The following BCAS3 variants were observed in gnomAD, a reference collection of about 807,000 sequenced individuals.
BCAS3 encodes BCAS4/BCAS3 fusion.
BCAS3 carries 53 observed loss-of-function variants against 116.1 expected under a neutral mutation model. That is an observed-to-expected ratio of 0.46 (90% CI 0.37 to 0.57). BCAS3 has a LOEUF of 0.57. Among genes scored for constraint, BCAS3 ranks in the 20% least tolerant of loss-of-function variants. The pLI is 0.00. For missense variants in BCAS3, 917 were observed against 1,165.4 expected, an observed-to-expected ratio of 0.79 and a Z score of 3.10; for synonymous variants, 391 against 408.2, an observed-to-expected ratio of 0.96 and a Z score of 0.51.
At chr17:60,809,594 T>C (rs1457742614) in intron 7 of BCAS3, among the ~76,000 whole-genome samples, 1 of 152,182 alleles carries the variant, frequency 6.6e-6, no homozygotes, top group Non-Finnish European at 1.5e-5. Flanking sequence ...TTTTCGCTCA[T>C]CTCTGAGTGG....
chr17:61,322,210 AG>A (rs1185120798), intron 22 of BCAS3, among the ~76,000 whole-genome samples: 2 of 152,184 alleles, frequency 1.3e-5, no homozygotes, highest in African/African-American at 4.8e-5. Flanking sequence ...CTGAGATTAC[AG>A]GTGTGAGCCA....
At position 61,211,671 on chromosome 17, in the gene BCAS3, A is replaced by T. The variant is rs72832582; in HGVS notation, c.2425+127107A>T. Among the ~76,000 whole-genome samples the T allele has an allele frequency of 0.046, 640 of 14,042 alleles. 1 individual carries two copies. Among genetic ancestry groups the T allele is most frequent in the East Asian group, 0.077 (37 of 482 alleles). 9.2% of individuals were successfully genotyped at this position (14,042 alleles called of 152,430 possible). ...GTTTGCATCCAGGTCATTTCTCCAT[A>T]AAAAAAAAAAAAAAATGCCACTGAC... is the stretch of plus-strand genomic sequence containing the variant. On this transcript the variant is annotated intron_variant, in intron 22 of 23. Coordinates refer to ENST00000407086, the MANE Select transcript of BCAS3 (RefSeq NM_017679.5). The surrounding 1 kb of genome is among the most constrained non-coding windows in gnomAD (Gnocchi z 4.4).
rs1165778560 is a variant in BCAS3, at chr17:61,258,528, A to G, written c.2426-109799A>G. On this transcript the variant is annotated intron_variant, in intron 22 of 23. Coordinates refer to ENST00000407086, the MANE Select transcript of BCAS3 (RefSeq NM_017679.5). This position sits in a 1 kb window ranked among gnomAD's most constrained non-coding sequence, Gnocchi z 4.7. ...AAATGTGAATAATCATACCTACTTC[A>G]TGGTATCGTTGTGTGGATTAAATGA... Among the ~76,000 whole-genome samples the G allele has an allele frequency of 6.6e-6, 1 of 152,224 alleles. No homozygotes were observed. The highest frequency in any genetic ancestry group is 1.9e-4 in the East Asian group (1 of 5,202).
At chr17:60,727,915 C>T (rs896709294) in intron 5 of BCAS3, among the ~76,000 whole-genome samples, 4 of 151,680 alleles carry the variant, frequency 2.6e-5, no homozygotes, top group Non-Finnish European at 5.9e-5. Context: ...TCAAGTGATC[C>T]TCCCACCTCA....
Position 61,189,724 on chromosome 17 carries a change from A to C in BCAS3, c.2425+105160A>C, listed in dbSNP as rs1261303836. Among the ~76,000 whole-genome samples, 3 of 152,178 alleles carry C rather than the reference A, an allele frequency of 2.0e-5. No homozygotes were observed. Among genetic ancestry groups the C allele is most frequent in the Non-Finnish European group, 2.9e-5 (2 of 68,028 alleles). ...GAGAAGGGGGAAGAGTTTAATATAA[A>C]TCCCAGGTTTCTGTCTATGCTAATT... On this transcript the variant is annotated intron_variant, in intron 22 of 23. Transcript: ENST00000407086. The surrounding 1 kb of genome is among the most constrained non-coding windows in gnomAD (Gnocchi z 4.5).
intron 5 of BCAS3, among the ~76,000 whole-genome samples, chr17:60,729,778 C>T (rs1648901265): frequency 6.6e-6 from 1 of 152,146 alleles, no homozygotes; most frequent in Admixed American, 6.5e-5. Flanking sequence ...TGCTTTCTCT[C>T]TTCACTTTTC....
intron 6 of BCAS3, among the ~76,000 whole-genome samples, chr17:60,793,312 G>T (rs1032773518): frequency 1.3e-5 from 2 of 152,048 alleles, no homozygotes; most frequent in African/African-American, 4.8e-5. Flanking sequence ...GGCCAAGCTG[G>T]TGTTGAACTT....
At chr17:61,293,189 G>C (rs2052596137) in intron 22 of BCAS3, among the ~76,000 whole-genome samples, 1 of 152,188 alleles carries the variant, frequency 6.6e-6, no homozygotes, top group African/African-American at 2.4e-5. Flanking sequence ...TCTTGAACAG[G>C]AGGTGGCCCC....
rs942197047 is a variant in BCAS3, at chr17:61,141,951, C to A, written c.2425+57387C>A. Among the ~76,000 whole-genome samples, 1 of 149,882 alleles carries A rather than the reference C, an allele frequency of 6.7e-6. No homozygotes were observed. Among genetic ancestry groups the A allele is most frequent in the African/African-American group, 2.4e-5 (1 of 40,858 alleles). The stretch of plus-strand genomic sequence containing the variant: ...ACAATTATACAGAGATACTCAAGTT[C>A]TTGAAAGAAGTTTGTTGAGGATAAG... On this transcript the variant is annotated intron_variant, in intron 22 of 23. Coordinates refer to ENST00000407086, the MANE Select transcript of BCAS3 (RefSeq NM_017679.5). This position sits in a 1 kb window ranked among gnomAD's most constrained non-coding sequence, Gnocchi z 4.3.
In BCAS3 at chr17:61,219,745, G is replaced by A. The variant is rs781572266; in HGVS notation, c.2425+135181G>A. ...CTCTTTTCTCATCCAGCTGCTGCTT[G>A]TTTAGATGGCCGCCTTCCTGGTGAC... On this transcript the variant is annotated intron_variant, in intron 22 of 23. Coordinates refer to ENST00000407086, the MANE Select transcript of BCAS3 (RefSeq NM_017679.5). This position sits in a 1 kb window ranked among gnomAD's most constrained non-coding sequence, Gnocchi z 5.2. 1.3e-5 allele frequency among the ~76,000 whole-genome samples: 2 copies of A among 152,160 alleles called. No individual in the cohort carries two copies. The highest frequency in any genetic ancestry group is 2.4e-5 in the African/African-American group (1 of 41,414).
intron 22 of BCAS3, among the ~76,000 whole-genome samples, chr17:61,267,946 C>T (rs1267371618): frequency 6.6e-6 from 1 of 152,072 alleles, no homozygotes; most frequent in Non-Finnish European, 1.5e-5. Context: ...CCCATACTCA[C>T]CCCTCCCCGA....
rs949953792 is a variant in BCAS3, at chr17:61,258,717, T to C, written c.2426-109610T>C. On this transcript the variant is annotated intron_variant, in intron 22 of 23. Transcript: ENST00000407086. This position sits in a 1 kb window ranked among gnomAD's most constrained non-coding sequence, Gnocchi z 4.7. ...TGGATAATAAATTTTAGTAGACTCA[T>C]TTGATATAACAGGGACTGGTATACA... 2.0e-5 allele frequency among the ~76,000 whole-genome samples: 3 copies of C among 152,242 alleles called. No homozygotes were observed. The highest frequency in any genetic ancestry group is 7.2e-5 in the African/African-American group (3 of 41,470).
chr17:61,035,690 T>G (rs1240460897), intron 17 of BCAS3, among the ~76,000 whole-genome samples: 1 of 152,008 alleles, frequency 6.6e-6, no homozygotes, highest in Admixed American at 6.6e-5. Context: ...TCTCTCCTTA[T>G]CTGTGGAGGA....
At chr17:60,939,513 G>C (rs942493784) in intron 13 of BCAS3, among the ~76,000 whole-genome samples, 2 of 152,170 alleles carry the variant, frequency 1.3e-5, no homozygotes, top group Admixed American at 6.6e-5. Flanking sequence ...TGGAACACTA[G>C]TCAGCAATAT....
chr17:60,973,794 G>A (rs1568004021), intron 14 of BCAS3, among the ~76,000 whole-genome samples: 1 of 151,910 alleles, frequency 6.6e-6, no homozygotes, highest in African/African-American at 2.4e-5. Context: ...GTCTCACCAT[G>A]TTGGCCAGGC....
At position 61,134,521 on chromosome 17, in the gene BCAS3, T is replaced by C. The variant is rs1046379997; in HGVS notation, c.2425+49957T>C. On this transcript the variant is annotated intron_variant, in intron 22 of 23. Coordinates refer to ENST00000407086, the MANE Select transcript of BCAS3 (RefSeq NM_017679.5). This position sits in a 1 kb window ranked among gnomAD's most constrained non-coding sequence, Gnocchi z 4.6. The stretch of plus-strand genomic sequence containing the variant: ...TAATCCATTTATAAAATGAGAGTAT[T>C]GGACTGAGCAATTTCTAGATCCTTT... 2.6e-5 allele frequency among the ~76,000 whole-genome samples: 4 copies of C among 152,298 alleles called. No homozygotes were observed. Among genetic ancestry groups the C allele is most frequent in the Admixed American group, 1.3e-4 (2 of 15,286 alleles).
chr17:61,103,053 T>G (rs1452932025), intron 22 of BCAS3, among the ~76,000 whole-genome samples: 1 of 152,154 alleles, frequency 6.6e-6, no homozygotes, highest in African/African-American at 2.4e-5. Flanking sequence ...GCCTGTGTTT[T>G]TAGCTATAAT....
chr17:61,310,553 CAAAAA>C (rs374976012), intron 22 of BCAS3, among the ~76,000 whole-genome samples: 2 of 97,164 alleles, frequency 2.1e-5, no homozygotes, highest in South Asian at 3.9e-4. Flanking sequence ...GACTCTGTCT[CAAAAA>C]AAAAAAAAAA....
At chr17:61,179,026 C>G (rs1350683812) in intron 22 of BCAS3, among the ~76,000 whole-genome samples, 1 of 151,872 alleles carries the variant, frequency 6.6e-6, no homozygotes, top group African/African-American at 2.4e-5. Flanking sequence ...GTTTAATGCA[C>G]CAAGTGACTG....
Sources: gnomAD v4.1 joint callset for allele counts (sites outside exome capture counted in the v4.1 genomes callset) on GRCh38, gnomAD v4.1.1 for gene constraint, Gnocchi (gnomAD v3.1) non-coding constraint, MANE v1.5 for transcripts, NCBI Gene and HGNC (gene_info 2026-07-23, HGNC 2026-07-21) for gene names.